PRKCB: variants seen among roughly 807,000 people sequenced by gnomAD.
The protein encoded by PRKCB is protein kinase C beta.
Under a neutral mutation model 81.5 loss-of-function variants are expected in PRKCB, and 13 were observed. The ratio of observed to expected loss-of-function variants is 0.16; its 90% confidence interval spans 0.10 to 0.25. The LOEUF is 0.25. PRKCB is among the 10% of genes least tolerant of loss of function. The probability of loss-of-function intolerance (pLI) is 1.00; values close to 1 mark genes in which losing one functional copy is unlikely to be tolerated. For missense variants in PRKCB, 509 were observed against 875.7 expected (o/e 0.58, Z 5.29); for synonymous variants, 335 against 321.4 (o/e 1.04, Z -0.45).
intron 3 of PRKCB, among the ~76,000 whole-genome samples, chr16:24,002,170 T>C (rs946521519): frequency 6.6e-6 from 1 of 152,158 alleles, no homozygotes; most frequent in Admixed American, 6.5e-5. Flanking sequence ...CTTGCTAGCA[T>C]TGACTGAGGG....
intron 2 of PRKCB, among the ~76,000 whole-genome samples, chr16:23,896,757 C>T (rs1398617317): frequency 2.0e-5 from 3 of 152,096 alleles, no homozygotes; most frequent in Non-Finnish European, 4.4e-5. Flanking sequence ...TTTAAATACT[C>T]AACAATTAGC....
intron 16 of PRKCB, among the ~76,000 whole-genome samples, chr16:24,203,854 C>A (rs1235035827): frequency 6.6e-6 from 1 of 152,054 alleles, no homozygotes; most frequent in Non-Finnish European, 1.5e-5. Flanking sequence ...CTTTTTCTTC[C>A]CAGGGTACAC....
At chr16:24,193,013 G>A (rs1296073781) in intron 16 of PRKCB, among the ~76,000 whole-genome samples, 1 of 151,988 alleles carries the variant, frequency 6.6e-6, no homozygotes, top group African/African-American at 2.4e-5. Flanking sequence ...AGGTTGGAGT[G>A]CAGTAGCGCG....
At chr16:23,893,585 C>T (rs181924557) in intron 2 of PRKCB, 78 of 152,176 alleles carry the variant, frequency 5.1e-4, no homozygotes, top group African/African-American at 1.7e-3. Flanking sequence ...AAAAACCATC[C>T]GGCGTTGTTA....
At position 23,964,832 on chromosome 16, in the gene PRKCB, G is replaced by A. The variant is rs963345867; in HGVS notation, c.206-23676G>A. Reference sequence around the variant, plus strand: ...TTATAGGTACCTGCCCCCTCTCCCCGCTAATTCTTGTATTTTTAGTAGAGA... The same window carrying A: ...TTATAGGTACCTGCCCCCTCTCCCCACTAATTCTTGTATTTTTAGTAGAGA... On this transcript the variant is annotated intron_variant, in intron 2 of 16. Coordinates refer to ENST00000643927, the MANE Select transcript of PRKCB (RefSeq NM_002738.7). 3.3e-5 allele frequency among the ~76,000 whole-genome samples: 5 copies of A among 151,920 alleles called. No homozygotes were observed. The South Asian group carries it at 6.2e-4, about 19-fold the overall frequency.
intron 2 of PRKCB, among the ~76,000 whole-genome samples, chr16:23,889,492 T>C (rs566704153): frequency 6.6e-6 from 1 of 152,366 alleles, no homozygotes; most frequent in East Asian, 1.9e-4. Context: ...TCTATAATAG[T>C]CATTAAAGGT....
At chr16:24,156,063 G>A (rs1967151320) in intron 10 of PRKCB, among the ~76,000 whole-genome samples, 1 of 152,132 alleles carries the variant, frequency 6.6e-6, no homozygotes, top group Admixed American at 6.5e-5. Context: ...ACTCATTAGG[G>A]ATTGTAAAAT....
chr16:23,951,077 A>G (rs567498645), intron 2 of PRKCB, among the ~76,000 whole-genome samples: 3 of 152,336 alleles, frequency 2.0e-5, no homozygotes, highest in South Asian at 2.1e-4. Context: ...TCTGCAGCTC[A>G]GATATGCGGC....
In PRKCB at chr16:24,217,505, A is replaced by G. The variant is rs1451679636; in HGVS notation, c.*2689A>G. On this transcript the variant is annotated 3_prime_UTR_variant, in exon 17 of 17. Coordinates refer to ENST00000643927, the MANE Select transcript of PRKCB (RefSeq NM_002738.7). ...ATGGCTTCAGATGCTATCAACCTCA[A>G]AGAAATGATCTCAACAGAGAAGCTT... 1.0e-6 allele frequency: 1 copy of G among 985,312 alleles called. No homozygotes were observed. Among genetic ancestry groups the G allele is most frequent in the African/African-American group, 1.7e-5 (1 of 57,242 alleles). The allele number at this position is 985,312 out of a possible 1,614,324, so 61.0% of individuals were successfully genotyped here.
chr16:24,076,922 A>T lies in PRKCB; in HGVS notation c.530-15869A>T, dbSNP rs368304376. Among the ~76,000 whole-genome samples, 15 of 152,284 alleles carry T rather than the reference A, an allele frequency of 9.9e-5. 3 individuals carry two copies. Among genetic ancestry groups the T allele is most frequent in the Admixed American group, 3.3e-4 (5 of 15,294 alleles). ...TTTGTATTTGCATCTCAGTGTAGTC[A>T]GACATTCTTCCAGAACACTCCAGCA... On this transcript the variant is annotated intron_variant, in intron 5 of 16. Transcript: ENST00000643927.
intron 2 of PRKCB, among the ~76,000 whole-genome samples, chr16:23,898,870 T>G (rs531659909): frequency 6.6e-6 from 1 of 152,356 alleles, no homozygotes; most frequent in Non-Finnish European, 1.5e-5. Context: ...TGCACCTTGG[T>G]CTATGCATCT....
At chr16:23,842,871 C>CA (rs1273561502) in intron 2 of PRKCB, among the ~76,000 whole-genome samples, 1 of 151,842 alleles carries the variant, frequency 6.6e-6, no homozygotes, top group Non-Finnish European at 1.5e-5. Flanking sequence ...TTTTATATCA[C>CA]AAAAAAGGTT....
chr16:23,922,833 A>T (rs1963845072), intron 2 of PRKCB, among the ~76,000 whole-genome samples: 1 of 150,286 alleles, frequency 6.7e-6, no homozygotes. Flanking sequence ...CTTCATGGGT[A>T]GAATGGTGGC....
At chr16:23,841,147 C>T (rs917404455) in intron 2 of PRKCB, among the ~76,000 whole-genome samples, 4 of 151,900 alleles carry the variant, frequency 2.6e-5, no homozygotes, top group Admixed American at 6.6e-5. Context: ...GGCACCATTT[C>T]GACTCACGGT....
At chr16:24,120,899 C>T (rs534259782) in intron 8 of PRKCB, among the ~76,000 whole-genome samples, 67 of 152,138 alleles carry the variant, frequency 4.4e-4, no homozygotes, top group Non-Finnish European at 8.5e-4. Context: ...ATGCCTGGCT[C>T]ATCATTTCTC....
At chr16:23,967,976 C>T (rs544268220) in intron 2 of PRKCB, among the ~76,000 whole-genome samples, 2 of 152,240 alleles carry the variant, frequency 1.3e-5, no homozygotes, top group South Asian at 4.2e-4. Context: ...CTTTGAAGTG[C>T]TTGTTTAAAT....
At chr16:23,976,099 G>A (rs1387086713) in intron 2 of PRKCB, among the ~76,000 whole-genome samples, 2 of 152,050 alleles carry the variant, frequency 1.3e-5, no homozygotes, top group African/African-American at 4.8e-5. Context: ...TTGAGGCCAG[G>A]AGTTCGAAAC....
rs1219723521 is a variant in PRKCB at position 24,216,248 on chromosome 16, G to A, written c.*1432G>A. ...CGAGGATACTGGAGCCCAAAGTCAA[G>A]TTTAGAGACCAGCTGGGAACGTGAA... On this transcript the variant is annotated 3_prime_UTR_variant, in exon 17 of 17. Transcript: ENST00000643927. 3.0e-6 allele frequency: 3 copies of A among 985,330 alleles called. No individual in the cohort carries two copies. The African/African-American group carries it at 5.2e-5, about 17-fold the overall frequency. 61.0% of individuals were successfully genotyped at this position (985,330 alleles called of 1,614,324 possible). A position where few individuals can be genotyped will look rare whatever the true frequency, so the allele number is the denominator to read the frequency against.
At chr16:24,082,303 T>C (rs1966259782) in intron 5 of PRKCB, among the ~76,000 whole-genome samples, 1 of 152,214 alleles carries the variant, frequency 6.6e-6, no homozygotes, top group Admixed American at 6.5e-5. Context: ...ATTTGTAGGC[T>C]TAATGAAATT....
Sources: allele counts gnomAD v4.1 joint callset (sites outside exome capture counted in the v4.1 genomes callset), GRCh38; gene constraint gnomAD v4.1.1; transcripts MANE v1.5; gene names NCBI Gene and HGNC (gene_info 2026-07-23, HGNC 2026-07-21).